The following PCK1 variants were observed in gnomAD, a reference collection of about 807,000 sequenced individuals.
PCK1 encodes the protein phosphoenolpyruvate carboxykinase, cytosolic [GTP].
A neutral mutation model predicts 50.3 loss-of-function variants in PCK1; 44 were observed. That is an observed-to-expected ratio of 0.87 (90% confidence interval 0.69 to 1.12). PCK1 has a LOEUF of 1.12. Ranked by LOEUF, PCK1 falls within the 50% of genes most tolerant of loss-of-function variation. PCK1 has a pLI of 0.00. For synonymous variants in PCK1, 332 were observed against 314.3 expected (o/e 1.06, Z -0.59); for missense variants, 790 against 815.0 (o/e 0.97, Z 0.37).
Position 57,564,552 on chromosome 20 carries a change from C to T in PCK1, c.1257C>T (p.Ala419=). The T allele has an allele frequency of 6.2e-7, 1 of 1,613,686 alleles. No homozygotes were observed. ...PASQCPIIDA[A]WESPEGVPIE... is the part of the protein sequence containing the mutation. ...GCCAGTGCCCCATCATTGATGCTGCCTGGGAGTCTCCGGAAGGTGTTCCCA... is the reference window on the plus strand; with the variant it reads ...GCCAGTGCCCCATCATTGATGCTGCTTGGGAGTCTCCGGAAGGTGTTCCCA... The change falls in exon 8 of 10, where the codon GCC becomes GCT. Residue 419 remains alanine (A), a synonymous_variant. Coordinates refer to ENST00000319441, the MANE Select transcript of PCK1 (RefSeq NM_002591.4).
rs28359555 is a variant in PCK1 at position 57,566,542 on chromosome 20, C to T, written c.*738C>T. On this transcript the variant is annotated 3_prime_UTR_variant, in exon 10 of 10. Transcript: ENST00000319441. ...AATATCTTGTGATTTAAATCCTGCC[C>T]CCTCCCCAAGAAGGTGGGGACGTTC... The T allele has an allele frequency of 6.6e-5, 10 of 152,084 alleles. No individual in the cohort carries two copies. In the East Asian group the frequency reaches 1.9e-3, roughly 29 times the overall value. 9.4% of individuals were successfully genotyped at this position (152,084 alleles called of 1,614,324 possible). A position where few individuals can be genotyped will look rare whatever the true frequency, so the allele number is the denominator to read the frequency against.
chr20:57,565,010 G>T, intron 8 of PCK1, 30 bp from the exon 9 acceptor site: 1 of 1,515,998 alleles, frequency 6.6e-7, no homozygotes, highest in Non-Finnish European at 9.1e-7. Flanking sequence ...AGCCTCTGAT[G>T]AACATTTCTC....
Position 57,561,651 on chromosome 20 carries a change from G to C in PCK1, c.224+16G>C, listed in dbSNP as rs756951264. 15 of 1,560,750 alleles carry C rather than the reference G, an allele frequency of 9.6e-6. No individual in the cohort carries two copies. Among genetic ancestry groups the C allele is most frequent in the Non-Finnish European group, 1.2e-5 (14 of 1,134,872 alleles). On this transcript the variant is annotated intron_variant, in intron 2 of 9. Transcript: ENST00000319441. The stretch of plus-strand genomic sequence containing the variant: ...ATGACAACTGGTAAGCTCGGCCCCC[G>C]CTGCCTGTCCCAGCACCCTGCAGGC...
In PCK1 at chr20:57,567,723, C is replaced by T. The variant is rs2070215772; in HGVS notation, c.*1919C>T. ...GGCCTTTGGGCAGCTCCTTGGACCC[C>T]TGAAAGAGGCCACCAGGATAAACTT... On this transcript the variant is annotated 3_prime_UTR_variant, in exon 10 of 10. Transcript: ENST00000319441. 6.6e-6 allele frequency: 1 copy of T among 152,250 alleles called. No individual in the cohort carries two copies. The allele number at this position is 152,250 out of a possible 1,614,324, so 9.4% of individuals were successfully genotyped here.
chr20:57,561,676 C>A, intron 2 of PCK1, 41 bp downstream of exon 2: 1 of 1,383,860 alleles, frequency 7.2e-7, no homozygotes, highest in Non-Finnish European at 1.0e-6. Flanking sequence ...ACCCTGCAGG[C>A]AGGGCTCCCC....
rs999354358 is a variant in PCK1 at position 57,567,919 on chromosome 20, C to T, written c.*2115C>T. On this transcript the variant is annotated 3_prime_UTR_variant, in exon 10 of 10. Coordinates refer to ENST00000319441, the MANE Select transcript of PCK1 (RefSeq NM_002591.4). ...ACCATTTGCCAGCAGGCCCTGCAAG[C>T]CTGGGGGACAGCCTAGAGGAGGTGA... 6.6e-6 allele frequency: 1 copy of T among 152,296 alleles called. No individual in the cohort carries two copies. The highest frequency in any genetic ancestry group is 1.5e-5 in the Non-Finnish European group (1 of 68,090). The allele number at this position is 152,296 out of a possible 1,614,324, so 9.4% of individuals were successfully genotyped here.
chr20:57,563,886 TC>T (rs1337870762), intron 6 of PCK1, 159 bp downstream of exon 6: 2 of 658,302 alleles, frequency 3.0e-6, no homozygotes, highest in Non-Finnish European at 5.3e-6. Flanking sequence ...TAAGAATTCT[TC>T]AACTTAATAT....
In PCK1 at chr20:57,561,614, G is replaced by T. The variant is rs147273759; in HGVS notation, c.203G>T (p.Arg68Leu). 6.2e-6 allele frequency: 10 copies of T among 1,612,118 alleles called. No homozygotes were observed. Among genetic ancestry groups the T allele is most frequent in the Non-Finnish European group, 7.6e-6 (9 of 1,179,196 alleles). Reference sequence around the variant, plus strand: ...ATGGAGGAAGAGGGCATCCTCAGGCGGCTGAAGAAGTATGACAACTGGTAA... The same window carrying T: ...ATGGAGGAAGAGGGCATCCTCAGGCTGCTGAAGAAGTATGACAACTGGTAA... ...GQMEEEGILR[R>L]LKKYDNCWLA... Residue 68 changes from arginine (R) to leucine (L), a missense_variant, in exon 2 of 10, where the codon CGG (arginine) becomes CTG (leucine). Transcript: ENST00000319441.
Position 57,563,688 on chromosome 20 carries a change from G to T in PCK1, c.922G>T (p.Val308Phe). 1 of 1,613,346 alleles carries T rather than the reference G, an allele frequency of 6.2e-7. No individual in the cohort carries two copies. Among genetic ancestry groups the T allele is most frequent in the Non-Finnish European group, 8.5e-7 (1 of 1,179,634 alleles). ...CCTCCCCGGGTGGAAGGTTGAGTGCGTCGGGGATGACATTGCCTGGATGAA... is the reference window on the plus strand; with the variant it reads ...CCTCCCCGGGTGGAAGGTTGAGTGCTTCGGGGATGACATTGCCTGGATGAA... Reference protein sequence around the residue: ...PSLPGWKVECVGDDIAWMKFD... With the variant: ...PSLPGWKVECFGDDIAWMKFD... The change falls in exon 6 of 10, where the codon GTC becomes TTC. Residue 308 changes from valine to phenylalanine, a missense_variant. Transcript: ENST00000319441.
In PCK1 at chr20:57,565,773, T is replaced by A; in HGVS notation, c.1838T>A (p.Leu613His). ...CCCTGTGAAATCGAGAGAGAGATCC[T>A]TGCCTTGAAGCAAAGAATAAGCCAG... The part of the protein sequence containing the change: ...DLPCEIEREI[L>H]ALKQRISQM Residue 613 changes from leucine to histidine, a missense_variant, in exon 10 of 10, where the codon CTT becomes CAT. Physicochemically the swap from Leu to His is moderately conservative, Grantham distance 99. Coordinates refer to ENST00000319441, the MANE Select transcript of PCK1 (RefSeq NM_002591.4). 1 of 1,612,396 alleles carries A rather than the reference T, an allele frequency of 6.2e-7. No individual in the cohort carries two copies. The highest frequency in any genetic ancestry group is 8.5e-7 in the Non-Finnish European group (1 of 1,179,334).
chr20:57,562,925 A>G (rs1023524096), intron 4 of PCK1, 26 bp downstream of exon 4: 2 of 1,592,652 alleles, frequency 1.3e-6, no homozygotes, highest in Non-Finnish European at 1.7e-6. Flanking sequence ...CAGAATCAAA[A>G]GTCAAAATAA....
intron 2 of PCK1, 116 bp from the exon 3 acceptor site, chr20:57,561,955 T>C: frequency 1.3e-6 from 1 of 784,608 alleles, no homozygotes; most frequent in African/African-American, 1.7e-5. Context: ...GTGTTCACAC[T>C]GATGGACTGT....
chr20:57,564,065 A>G, intron 6 of PCK1, 104 bp from the exon 7 acceptor site: 1 of 744,986 alleles, frequency 1.3e-6, no homozygotes, highest in East Asian at 2.7e-5. Flanking sequence ...GGAGGGAAAA[A>G]AGATTTGAGA....
At position 57,565,791 on chromosome 20, in the gene PCK1, T is replaced by G; in HGVS notation, c.1856T>G (p.Ile619Arg). The change falls in exon 10 of 10, where the codon ATA becomes AGA. Residue 619 changes from isoleucine (I) to arginine (R), a missense_variant. Physicochemically the swap from Ile to Arg is moderately conservative, Grantham distance 97. Transcript: ENST00000319441. ...GAGATCCTTGCCTTGAAGCAAAGAA[T>G]AAGCCAGATGTAATCAGGGCCTGAG... ...EREILALKQRISQM is the reference protein window; with the variant it reads ...EREILALKQRRSQM 6.2e-7 allele frequency: 1 copy of G among 1,609,198 alleles called. No homozygotes were observed. Among genetic ancestry groups the G allele is most frequent in the Non-Finnish European group, 8.5e-7 (1 of 1,177,668 alleles).
In PCK1 at chr20:57,565,613, A is replaced by C. The variant is rs200640038; in HGVS notation, c.1678A>C (p.Lys560Gln). The C allele has an allele frequency of 1.9e-6, 3 of 1,614,108 alleles. No individual in the cohort carries two copies. In the East Asian group the frequency reaches 6.7e-5, roughly 36 times the overall value. Residue 560 changes from lysine to glutamine, a missense_variant, in exon 10 of 10, where the codon AAG becomes CAG. Lys to Gln is a moderately conservative substitution (Grantham distance 53, BLOSUM62 1). Transcript: ENST00000319441. ...TKLTPIGYIP[K>Q]EDALNLKGLG... ...GCTCACGCCCATAGGCTACATCCCC[A>C]AGGAGGATGCCCTGAACCTGAAAGG... is the stretch of plus-strand genomic sequence containing the variant.
At position 57,566,010 on chromosome 20, in the gene PCK1, A is replaced by T. The variant is rs755993432; in HGVS notation, c.*206A>T. On this transcript the variant is annotated 3_prime_UTR_variant, in exon 10 of 10. Transcript: ENST00000319441. The stretch of plus-strand genomic sequence containing the variant: ...AGTAGCTAATGAAATTGAGAAGGGA[A>T]ATCTTAGCATGCCTCCAAAAATTCA... 5.1e-5 allele frequency: 25 copies of T among 490,840 alleles called. No individual in the cohort carries two copies. The highest frequency in any genetic ancestry group is 8.5e-5 in the Non-Finnish European group (24 of 280,732). The allele number at this position is 490,840 out of a possible 1,614,324, so 30.4% of individuals were successfully genotyped here.
At position 57,566,374 on chromosome 20, in the gene PCK1, T is replaced by C. The variant is rs1351045565; in HGVS notation, c.*570T>C. On this transcript the variant is annotated 3_prime_UTR_variant, in exon 10 of 10. Coordinates refer to ENST00000319441, the MANE Select transcript of PCK1 (RefSeq NM_002591.4). ...TGCTTAAATTATTTTTATACACCAT[T>C]GTTCCTTACCTTTACATAATTGCAA... 6.6e-6 allele frequency: 1 copy of C among 152,312 alleles called. No individual in the cohort carries two copies. The highest frequency in any genetic ancestry group is 1.5e-5 in the Non-Finnish European group (1 of 68,102). 9.4% of individuals were successfully genotyped at this position (152,312 alleles called of 1,614,324 possible). A position where few individuals can be genotyped will look rare whatever the true frequency, so the allele number is the denominator to read the frequency against.
rs959207500 is a variant in PCK1 at position 57,567,116 on chromosome 20, A to G, written c.*1312A>G. 1 of 152,096 alleles carries G rather than the reference A, an allele frequency of 6.6e-6. No individual in the cohort carries two copies. Among genetic ancestry groups the G allele is most frequent in the African/African-American group, 2.4e-5 (1 of 41,388 alleles). The allele number at this position is 152,096 out of a possible 1,614,324, so 9.4% of individuals were successfully genotyped here. ...CCAAACGAACCATAAACTTTATATC[A>G]CAGATTCAATCTGTGTAAATACTAT... On this transcript the variant is annotated 3_prime_UTR_variant, in exon 10 of 10. Transcript: ENST00000319441.
chr20:57,564,077 G>T, intron 6 of PCK1, 92 bp from the exon 7 acceptor site: 1 of 796,760 alleles, frequency 1.3e-6, no homozygotes, highest in Non-Finnish European at 2.0e-6. Flanking sequence ...GATTTGAGAA[G>T]TTGGCATAGA....
Sources: gnomAD v4.1 joint callset for allele counts on GRCh38, gnomAD v4.1.1 for gene constraint, MANE v1.5 for transcripts, NCBI Gene and HGNC (gene_info 2026-07-23, HGNC 2026-07-21) for gene names.